Variants in EIF4G1 observed in about 807,000 individuals in gnomAD.
The protein encoded by EIF4G1 is eukaryotic translation initiation factor 4 gamma 1.
In EIF4G1, 4 loss-of-function variants were observed where a neutral mutation model predicts 187.8. The observed-to-expected ratio is 0.02, with a 90% confidence interval of 0.01 to 0.05. The LOEUF is 0.05. Ranked by LOEUF, EIF4G1 falls within the 10% of genes least tolerant of loss-of-function variation. EIF4G1 has a pLI of 1.00. For missense variants in EIF4G1, 1,647 were observed against 2,081.1 expected, an observed-to-expected ratio of 0.79 and a Z score of 4.06; for synonymous variants, 844 against 781.4, an observed-to-expected ratio of 1.08 and a Z score of -1.34.
Position 184,334,841 on chromosome 3 carries a change from C to T in EIF4G1, c.4733C>T (p.Ala1578Val). 6.2e-7 allele frequency: 1 copy of T among 1,614,206 alleles called. No individual in the cohort carries two copies. Among genetic ancestry groups the T allele is most frequent in the East Asian group, 2.2e-5 (1 of 44,884 alleles). The part of the protein sequence containing the change: ...DPAEQQGKGV[A>V]LKSVTAFFKW... ...GCTGAGCAGCAGGGCAAGGGTGTGG[C>T]CCTTAAATCTGTCACAGCCTTCTTC... The change falls in exon 33 of 33, where the codon GCC becomes GTC. Residue 1578 changes from alanine (A) to valine (V), a missense_variant. Transcript: ENST00000346169. This position sits in a 1 kb window ranked among gnomAD's most constrained non-coding sequence, Gnocchi z 5.8.
chr3:184,322,818 C>T lies in EIF4G1; in HGVS notation c.1796-3C>T, dbSNP rs190378563. 2.7e-3 allele frequency: 4,387 copies of T among 1,614,186 alleles called. 4 individuals carry two copies. The highest frequency in any genetic ancestry group is 3.5e-3 in the Non-Finnish European group (4,128 of 1,180,042). ...TGATTGCTTCATTCTGTTTTCCTTGCAGATCAGTGGAAGCCTCTAAACCTA... is the reference window on the plus strand; with the variant it reads ...TGATTGCTTCATTCTGTTTTCCTTGTAGATCAGTGGAAGCCTCTAAACCTA... On this transcript the variant is annotated splice_polypyrimidine_tract_variant and splice_region_variant and intron_variant, in intron 12 of 32. Coordinates refer to ENST00000346169, the MANE Select transcript of EIF4G1 (RefSeq NM_198241.3).
chr3:184,332,825 C>T (rs1023266631), intron 32 of EIF4G1, among the ~76,000 whole-genome samples: 2 of 152,096 alleles, frequency 1.3e-5, no homozygotes, highest in Non-Finnish European at 2.9e-5. Context: ...AGCAACCAGT[C>T]CTAAGTGAGG....
In EIF4G1 at chr3:184,315,876, C is replaced by CAGGGGT. The variant is rs942377232; in HGVS notation, c.60+21_60+26dup. On this transcript the variant is annotated intron_variant, in intron 3 of 32. Transcript: ENST00000346169. The stretch of plus-strand genomic sequence containing the variant: ...CCACAGGTAATTAGGGAGGAATTAG[C>CAGGGGT]AGGGGTGGGGGTGGGGGAGACCAGG... 3 of 1,320,052 alleles carry CAGGGGT rather than the reference C, an allele frequency of 2.3e-6. No homozygotes were observed. The African/African-American group carries it at 4.6e-5, about 20-fold the overall frequency. The allele number at this position is 1,320,052 out of a possible 1,614,324, so 81.8% of individuals were successfully genotyped here.
intron 17 of EIF4G1, 144 bp from the exon 18 acceptor site, chr3:184,324,734 G>A: frequency 1.1e-6 from 1 of 909,336 alleles, no homozygotes; most frequent in Non-Finnish European, 1.8e-6. Flanking sequence ...CAAATTGATG[G>A]GATTACAGGC....
intron 1 of EIF4G1, 149 bp downstream of exon 1, chr3:184,314,823 C>G (rs1003384146): frequency 2.0e-5 from 3 of 149,226 alleles, no homozygotes; most frequent in Admixed American, 1.3e-4. Flanking sequence ...GCCAGGGTCC[C>G]GATCCCCGGC....
chr3:184,329,978 T>A (rs1725716092), intron 28 of EIF4G1, among the ~76,000 whole-genome samples: 1 of 152,250 alleles, frequency 6.6e-6, no homozygotes, highest in South Asian at 2.1e-4. Flanking sequence ...TTCTTTTAAA[T>A]AGACGTGTAC....
At chr3:184,328,553 C>G in intron 26 of EIF4G1, 78 bp from the exon 27 acceptor site, 2 of 1,602,554 alleles carry the variant, frequency 1.2e-6, no homozygotes, top group Non-Finnish European at 1.7e-6. Context: ...ATAGTTGATG[C>G]CCTAGCCATG....
intron 28 of EIF4G1, among the ~76,000 whole-genome samples, chr3:184,329,560 G>A (rs893520329): frequency 2.6e-5 from 4 of 152,142 alleles, no homozygotes; most frequent in African/African-American, 9.7e-5. Context: ...CCCGGGAGGC[G>A]GAGGTAGCAG....
intron 26 of EIF4G1, 113 bp downstream of exon 26, chr3:184,328,115 G>A: frequency 7.8e-7 from 1 of 1,279,490 alleles, no homozygotes; most frequent in South Asian, 1.2e-5. Context: ...CGGGTGTGGT[G>A]GCTTATGCCT....
intron 7 of EIF4G1, chr3:184,320,264 C>T (rs1033277613): frequency 1.1e-5 from 14 of 1,232,118 alleles, no homozygotes; most frequent in South Asian, 1.6e-5. Flanking sequence ...TGGATCTGGG[C>T]CCTGCCCCCA....
rs772318117 is a variant in EIF4G1, at chr3:184,323,158, T to C, written c.2005T>C (p.Ser669Pro). 3 of 1,614,206 alleles carry C rather than the reference T, an allele frequency of 1.9e-6. No homozygotes were observed. The highest frequency in any genetic ancestry group is 1.1e-5 in the South Asian group (1 of 91,090). Residue 669 changes from serine (S) to proline (P), a missense_variant, in exon 14 of 33, where the codon TCC (serine) becomes CCC (proline). Around this residue, in one of 11 missense-constraint regions of EIF4G1, gnomAD observed 140 missense variants for 222.2 expected, o/e 0.63. Transcript: ENST00000346169. The surrounding 1 kb of genome is among the most constrained non-coding windows in gnomAD (Gnocchi z 6.9). The part of the protein sequence containing the change: ...GINCGPDFTP[S>P]FANLGRTTLS... The stretch of plus-strand genomic sequence containing the variant: ...AAATTGTGGCCCAGACTTCACTCCA[T>C]CCTTTGCCAACCTTGGCCGGACAAC...
chr3:184,321,440 C>T lies in EIF4G1; in HGVS notation c.856C>T (p.Pro286Ser), dbSNP rs2108484391. Residue 286 changes from proline to serine, a missense_variant, in exon 10 of 33, where the codon CCT becomes TCT. Pro to Ser is a moderately conservative substitution (Grantham distance 74, BLOSUM62 -1). Coordinates refer to ENST00000346169, the MANE Select transcript of EIF4G1 (RefSeq NM_198241.3). ...GCCTAATCTCGCAGTCCTCTCTATT[C>T]CTGGGGACACTATGACAACTATACA... ...SEPNLAVLSI[P>S]GDTMTTIQMS... 6.2e-7 allele frequency: 1 copy of T among 1,614,144 alleles called. No individual in the cohort carries two copies. The highest frequency in any genetic ancestry group is 1.3e-5 in the African/African-American group (1 of 75,024).
intron 28 of EIF4G1, among the ~76,000 whole-genome samples, chr3:184,330,524 A>G (rs1560230022): frequency 1.3e-5 from 2 of 152,228 alleles, no homozygotes; most frequent in South Asian, 4.1e-4. Context: ...TGATGTCTTC[A>G]TAGTCTATTG....
At position 184,332,149 on chromosome 3, in the gene EIF4G1, A is replaced by G. The variant is rs1407870183; in HGVS notation, c.4618+63A>G. ...GGACTGCCAGATAGCAGGGCATGAG[A>G]CCCTTCATGGAAGGGTCTTAATCCA... is the stretch of plus-strand genomic sequence containing the variant. On this transcript the variant is annotated intron_variant, in intron 32 of 32. Coordinates refer to ENST00000346169, the MANE Select transcript of EIF4G1 (RefSeq NM_198241.3). 3.1e-6 allele frequency: 5 copies of G among 1,610,878 alleles called. No individual in the cohort carries two copies. The East Asian group carries it at 1.1e-4, about 36-fold the overall frequency.
In EIF4G1 at chr3:184,322,581, C is replaced by G; in HGVS notation, c.1646C>G (p.Pro549Arg). 2 of 1,614,168 alleles carry G rather than the reference C, an allele frequency of 1.2e-6. No homozygotes were observed. The highest frequency in any genetic ancestry group is 1.3e-5 in the African/African-American group (1 of 75,032). ...PAVPEVENQP[P>R]AGSNPGPESE... ...GTACCAGAGGTGGAAAATCAGCCTC[C>G]TGCAGGCAGCAATCCAGGCCCAGAG... Residue 549 changes from proline (P) to arginine (R), a missense_variant, in exon 12 of 33, where the codon CCT (proline) becomes CGT (arginine). By Grantham distance (103) the Pro-to-Arg change is moderately radical. Coordinates refer to ENST00000346169, the MANE Select transcript of EIF4G1 (RefSeq NM_198241.3).
chr3:184,329,081 G>GT, intron 28 of EIF4G1, 91 bp downstream of exon 28: 1 of 1,449,426 alleles, frequency 6.9e-7, no homozygotes, highest in African/African-American at 1.4e-5. Context: ...CATTGGTGGA[G>GT]TGGAGTGATG....
Position 184,316,199 on chromosome 3 carries a change from C to A in EIF4G1, c.128C>A (p.Thr43Lys). 1 of 1,614,116 alleles carries A rather than the reference C, an allele frequency of 6.2e-7. No individual in the cohort carries two copies. Among genetic ancestry groups the A allele is most frequent in the Non-Finnish European group, 8.5e-7 (1 of 1,180,024 alleles). The change falls in exon 4 of 33, where the codon ACG becomes AAG. Residue 43 changes from threonine (T) to lysine (K), a missense_variant. By Grantham distance (78) the Thr-to-Lys change is moderately conservative. Coordinates refer to ENST00000346169, the MANE Select transcript of EIF4G1 (RefSeq NM_198241.3). ...FSTPQATQMN[T>K]PSQPRQHFYP... ...ACGCCACAAGCGACACAAATGAACA[C>A]GCCTTCTCAGCCCCGCCAGGTGAGG...
chr3:184,333,738 C>T (rs910869665), intron 32 of EIF4G1, among the ~76,000 whole-genome samples: 8 of 152,140 alleles, frequency 5.3e-5, no homozygotes, highest in African/African-American at 1.9e-4. Flanking sequence ...CAAGTGTAGA[C>T]AAAATATTTT....
At chr3:184,327,063 T>G (rs1725068144) in intron 23 of EIF4G1, 80 bp downstream of exon 23, 2 of 1,593,194 alleles carry the variant, frequency 1.3e-6, no homozygotes, top group Admixed American at 1.7e-5. Flanking sequence ...GGTTGGAAAT[T>G]TCTTCATACC....
Sources: allele counts gnomAD v4.1 joint callset (sites outside exome capture counted in the v4.1 genomes callset), GRCh38; gene constraint gnomAD v4.1.1; regional missense constraint gnomAD v4.1.1; non-coding constraint Gnocchi (gnomAD v3.1); transcripts MANE v1.5; gene names NCBI Gene and HGNC (gene_info 2026-07-23, HGNC 2026-07-21).